Variants in LAMA4 observed in about 807,000 individuals in gnomAD.
LAMA4 encodes laminin subunit alpha-4.
LAMA4 carries 127 observed loss-of-function variants against 207.1 expected under a neutral mutation model. The observed-to-expected ratio is 0.61, with a 90% confidence interval of 0.53 to 0.71. LAMA4 has a LOEUF of 0.71. LAMA4 is among the 30% of genes least tolerant of loss of function. The probability of loss-of-function intolerance (pLI) is 0.00; values close to 1 mark genes in which losing one functional copy is unlikely to be tolerated. For missense variants in LAMA4, 2,093 were observed against 2,246.5 expected (o/e 0.93, Z 1.38); for synonymous variants, 761 against 816.0 (o/e 0.93, Z 1.15).
chr6:112,173,395 T>C (rs1294934790), intron 11 of LAMA4, among the ~76,000 whole-genome samples: 1 of 152,266 alleles, frequency 6.6e-6, no homozygotes, highest in Non-Finnish European at 1.5e-5. Flanking sequence ...TAATTTCTGT[T>C]TTCTTCAGGG....
rs142156703 is a variant in LAMA4, at chr6:112,170,341, C to T, written c.1551+2270G>A. Among the ~76,000 whole-genome samples, 125 of 152,310 alleles carry T rather than the reference C, an allele frequency of 8.2e-4. 6 individuals are homozygous for T. The East Asian group carries it at 0.022, about 27-fold the overall frequency. On this transcript the variant is annotated intron_variant, in intron 12 of 38. Transcript: ENST00000230538. ...CAGGACCGGTCTGGGTTGGCAGGTC[C>T]ACTTCTCATTTCAGGGCTTGCAGTA...
chr6:112,182,479 G>A (rs1204062094), intron 9 of LAMA4, among the ~76,000 whole-genome samples: 1 of 152,164 alleles, frequency 6.6e-6, no homozygotes, highest in Non-Finnish European at 1.5e-5. Flanking sequence ...TGAATACAGA[G>A]GGCCAACTGT....
At chr6:112,164,709 A>C (rs1477905379) in intron 13 of LAMA4, among the ~76,000 whole-genome samples, 1 of 152,242 alleles carries the variant, frequency 6.6e-6, no homozygotes, top group Non-Finnish European at 1.5e-5. Flanking sequence ...CTACTTTTAC[A>C]AAATGTGACT....
intron 5 of LAMA4, chr6:112,200,176 C>A (rs1554351752): frequency 1.9e-6 from 1 of 532,828 alleles, no homozygotes; most frequent in Non-Finnish European, 3.8e-6. Context: ...TGGAGAAGGC[C>A]TTTCTTACAT....
At chr6:112,225,285 C>T (rs1190680856) in intron 2 of LAMA4, among the ~76,000 whole-genome samples, 1 of 152,114 alleles carries the variant, frequency 6.6e-6, no homozygotes, top group Non-Finnish European at 1.5e-5. Flanking sequence ...TTTATCATAG[C>T]CTCTCCCAAA....
rs572697969 is a variant in LAMA4, at chr6:112,249,137, A to G, written c.195+4819T>C. 3.3e-5 allele frequency among the ~76,000 whole-genome samples: 5 copies of G among 152,204 alleles called. No individual in the cohort carries two copies. The South Asian group carries it at 1.0e-3, about 31-fold the overall frequency. ...AAAAATGGTCTTTAAATTGCATTTTATATTTCTTCATTTAAAGAAATTCCC... is the reference window on the plus strand; with the variant it reads ...AAAAATGGTCTTTAAATTGCATTTTGTATTTCTTCATTTAAAGAAATTCCC... On this transcript the variant is annotated intron_variant, in intron 2 of 38. Coordinates refer to ENST00000230538, the MANE Select transcript of LAMA4 (RefSeq NM_001105206.3).
At chr6:112,180,934 T>C (rs1382670273) in intron 9 of LAMA4, among the ~76,000 whole-genome samples, 2 of 152,228 alleles carry the variant, frequency 1.3e-5, no homozygotes, top group East Asian at 1.9e-4. Context: ...GAATTGCAGA[T>C]TCACATCTCT....
At chr6:112,159,696 C>A (rs1780938775) in intron 13 of LAMA4, among the ~76,000 whole-genome samples, 1 of 152,160 alleles carries the variant, frequency 6.6e-6, no homozygotes, top group Non-Finnish European at 1.5e-5. Context: ...AGGTCATAAA[C>A]TGTTAGTGGG....
chr6:112,140,008 A>G (rs782492824), intron 22 of LAMA4, 123 bp from the exon 23 acceptor site: 8 of 949,538 alleles, frequency 8.4e-6, no homozygotes, highest in African/African-American at 1.6e-5. Flanking sequence ...ATATCTTTCT[A>G]GACCCGAGTG....
intron 2 of LAMA4, among the ~76,000 whole-genome samples, chr6:112,233,652 G>A (rs1351172280): frequency 2.0e-5 from 3 of 152,122 alleles, no homozygotes; most frequent in South Asian, 2.1e-4. Flanking sequence ...TGTGCGGTTT[G>A]TGGAGGATTT....
rs192169800 is a variant in LAMA4, at chr6:112,216,047, G to A, written c.297+321C>T. 5.3e-5 allele frequency among the ~76,000 whole-genome samples: 8 copies of A among 152,336 alleles called. No homozygotes were observed. In the East Asian group the frequency reaches 1.5e-3, roughly 29 times the overall value. ...ATATGGCAAACTATACGATTACAGA[G>A]GAATTTGGATGTATGGGTTCCTCCT... On this transcript the variant is annotated intron_variant, in intron 3 of 38. Transcript: ENST00000230538.
At chr6:112,210,391 A>C (rs1231722534) in intron 3 of LAMA4, among the ~76,000 whole-genome samples, 2 of 152,238 alleles carry the variant, frequency 1.3e-5, no homozygotes, top group African/African-American at 4.8e-5. Context: ...TGAAATTAGC[A>C]TTCTGAACTT....
chr6:112,206,088 A>G (rs1204745109), intron 4 of LAMA4, among the ~76,000 whole-genome samples: 1 of 152,188 alleles, frequency 6.6e-6, no homozygotes, highest in Non-Finnish European at 1.5e-5. Context: ...TAACAAACTG[A>G]CAGTCATAAG....
chr6:112,176,034 T>A (rs1329308726), intron 10 of LAMA4, among the ~76,000 whole-genome samples: 4 of 152,234 alleles, frequency 2.6e-5, no homozygotes, highest in African/African-American at 9.6e-5. Context: ...TTTCAAATTA[T>A]TTCACAGGCT....
At chr6:112,208,017 T>C (rs1265812362) in intron 3 of LAMA4, among the ~76,000 whole-genome samples, 1 of 152,222 alleles carries the variant, frequency 6.6e-6, no homozygotes, top group Admixed American at 6.5e-5. Flanking sequence ...GATGGATTAA[T>C]TTCTATAAGG....
intron 13 of LAMA4, among the ~76,000 whole-genome samples, chr6:112,162,639 G>T (rs1363377577): frequency 6.6e-6 from 1 of 152,096 alleles, no homozygotes; most frequent in African/African-American, 2.4e-5. Flanking sequence ...GAAGGAGTGG[G>T]TTTTATTTAA....
At position 112,155,651 on chromosome 6, in the gene LAMA4, T is replaced by C. The variant is rs782556805; in HGVS notation, c.1873A>G (p.Asn625Asp). Residue 625 changes from asparagine to aspartate, a missense_variant, in exon 15 of 39, where the codon AAT (asparagine) becomes GAT (aspartate). Asn to Asp is a conservative substitution (Grantham distance 23, BLOSUM62 1). Around this residue, in one of 3 missense-constraint regions of LAMA4, gnomAD observed 1,704 missense variants for 1,788.4 expected, o/e 0.95. Coordinates refer to ENST00000230538, the MANE Select transcript of LAMA4 (RefSeq NM_001105206.3). ...GLVQKALDAS[N>D]VYENIVNYVS... ...TAATTAACAATATTTTCATAGACATTTGATGCATCCAAAGCCTTCTGTACC... is the reference window on the plus strand; with the variant it reads ...TAATTAACAATATTTTCATAGACATCTGATGCATCCAAAGCCTTCTGTACC... 2.6e-5 allele frequency: 42 copies of C among 1,614,126 alleles called. No homozygotes were observed. The East Asian group carries it at 7.4e-4, about 28-fold the overall frequency.
chr6:112,141,746 G>A (rs1348244274), intron 20 of LAMA4, among the ~76,000 whole-genome samples: 1 of 152,146 alleles, frequency 6.6e-6, no homozygotes, highest in African/African-American at 2.4e-5. Flanking sequence ...TGCCAGGAAT[G>A]GGCTAATTTT....
intron 8 of LAMA4, among the ~76,000 whole-genome samples, chr6:112,187,134 A>T (rs528958149): frequency 2.0e-5 from 3 of 152,360 alleles, no homozygotes; most frequent in South Asian, 2.1e-4. Flanking sequence ...CAAGTAATGT[A>T]TGGCTGCGCC....
Sources: gnomAD v4.1 joint callset for allele counts (sites outside exome capture counted in the v4.1 genomes callset) on GRCh38, gnomAD v4.1.1 for gene constraint, gnomAD v4.1.1 regional missense constraint, MANE v1.5 for transcripts, NCBI Gene and HGNC (gene_info 2026-07-23, HGNC 2026-07-21) for gene names.